Variants in VLDLR observed in about 807,000 individuals in gnomAD.
The protein encoded by VLDLR is very low-density lipoprotein receptor.
VLDLR carries 81 observed loss-of-function variants against 112.7 expected under a neutral mutation model. The ratio of observed to expected loss-of-function variants is 0.72; its 90% confidence interval spans 0.60 to 0.86. The LOEUF is 0.86. Among genes scored for constraint, VLDLR ranks in the 40% least tolerant of loss-of-function variants. The pLI is 0.00. For missense variants in VLDLR, 1,237 were observed against 1,099.4 expected, an observed-to-expected ratio of 1.13 and a Z score of -1.77; for synonymous variants, 436 against 384.8, an observed-to-expected ratio of 1.13 and a Z score of -1.56.
rs191283726 is a variant in VLDLR at position 2,650,804 on chromosome 9, C to T, written c.2251+288C>T. Among the ~76,000 whole-genome samples, 905 of 152,254 alleles carry T rather than the reference C, an allele frequency of 5.9e-3. 3 individuals are homozygous for T. The highest frequency in any genetic ancestry group is 7.5e-3 in the Non-Finnish European group (511 of 68,026). On this transcript the variant is annotated intron_variant, in intron 15 of 18. Coordinates refer to ENST00000382100, the MANE Select transcript of VLDLR (RefSeq NM_003383.5). Reference sequence around the variant, plus strand: ...CCAACTTGCAGGTAATTAAATGAGGCCTTAACATTTTTCCTCAAAAGGAGG... The same window carrying T: ...CCAACTTGCAGGTAATTAAATGAGGTCTTAACATTTTTCCTCAAAAGGAGG...
At chr9:2,649,332 C>G (rs938482755) in intron 14 of VLDLR, among the ~76,000 whole-genome samples, 1 of 152,170 alleles carries the variant, frequency 6.6e-6, no homozygotes. Context: ...GCTCTTCCCC[C>G]TTTGTCTCTT....
rs1318961321 is a variant in VLDLR at position 2,652,856 on chromosome 9, C to G, written c.2493C>G (p.Asn831Lys). The change falls in exon 18 of 19, where the codon AAC becomes AAG. Residue 831 changes from asparagine to lysine, a missense_variant. Asn to Lys is a moderately conservative substitution (Grantham distance 94, BLOSUM62 0). Coordinates refer to ENST00000382100, the MANE Select transcript of VLDLR (RefSeq NM_003383.5). ...NWQHKNMKSM[N>K]FDNPVYLKTT... ...AACACAAGAACATGAAAAGCATGAACTTTGACAATCCTGTGTACTTGAAAA... is the reference window on the plus strand; with the variant it reads ...AACACAAGAACATGAAAAGCATGAAGTTTGACAATCCTGTGTACTTGAAAA... 6.2e-7 allele frequency: 1 copy of G among 1,614,108 alleles called. No individual in the cohort carries two copies. The highest frequency in any genetic ancestry group is 8.5e-7 in the Non-Finnish European group (1 of 1,180,012).
Position 2,645,673 on chromosome 9 carries a change from C to A in VLDLR, c.1412C>A (p.Thr471Asn), listed in dbSNP as rs554072220. 2 of 1,614,214 alleles carry A rather than the reference C, an allele frequency of 1.2e-6. No homozygotes were observed. Among genetic ancestry groups the A allele is most frequent in the South Asian group, 2.2e-5 (2 of 91,086 alleles). ...YIQLVEQLRNTVALDADIAAQ... is the reference protein window; with the variant it reads ...YIQLVEQLRNNVALDADIAAQ... ...CAACTAGTTGAACAGCTAAGAAACA[C>A]TGTGGCTCTCGATGCTGACATTGCT... Residue 471 changes from threonine to asparagine, a missense_variant, in exon 10 of 19, where the codon ACT becomes AAT. Coordinates refer to ENST00000382100, the MANE Select transcript of VLDLR (RefSeq NM_003383.5).
chr9:2,622,283 C>T lies in VLDLR; in HGVS notation c.82+12C>T, dbSNP rs1490285304. 2.7e-6 allele frequency: 4 copies of T among 1,463,848 alleles called. No individual in the cohort carries two copies. The highest frequency in any genetic ancestry group is 3.6e-6 in the Non-Finnish European group (4 of 1,112,400). The allele number at this position is 1,463,848 out of a possible 1,614,324, so 90.7% of individuals were successfully genotyped here. On this transcript the variant is annotated intron_variant, in intron 1 of 18. Coordinates refer to ENST00000382100, the MANE Select transcript of VLDLR (RefSeq NM_003383.5). ...CGCCACCGGAACCGGTGAGTGAGGA[C>T]GCGCCCCTCCGCCGGCGGGCGGGAC...
chr9:2,636,096 A>C lies in VLDLR; in HGVS notation c.202+524A>C, dbSNP rs183365921. On this transcript the variant is annotated intron_variant, in intron 2 of 18. Transcript: ENST00000382100. ...CTAAAGCATTAGCAGGGCGGAAGAC[A>C]TTCTCTCCCCAAGAGAATGGGGATA... 5.4e-4 allele frequency among the ~76,000 whole-genome samples: 83 copies of C among 152,316 alleles called. 3 individuals are homozygous for C. The East Asian group carries it at 0.012, about 22-fold the overall frequency.
Position 2,651,865 on chromosome 9 carries a change from C to T in VLDLR, c.2336-9C>T, listed in dbSNP as rs1818365420. The T allele has an allele frequency of 1.2e-6, 2 of 1,613,950 alleles. No homozygotes were observed. The highest frequency in any genetic ancestry group is 4.5e-5 in the East Asian group (2 of 44,876). The stretch of plus-strand genomic sequence containing the variant: ...TCCTTCTAAACTGATTCCTTTTATT[C>T]CTCTGTAGGGATCAATGTGACCACA... On this transcript the variant is annotated splice_polypyrimidine_tract_variant and intron_variant, in intron 16 of 18. Transcript: ENST00000382100.
In VLDLR at chr9:2,657,920, C is replaced by T. The variant is rs955646814; in HGVS notation, c.*4052C>T. The T allele has an allele frequency of 3.3e-5, 5 of 152,100 alleles. No homozygotes were observed. Among genetic ancestry groups the T allele is most frequent in the African/African-American group, 1.2e-4 (5 of 41,430 alleles). The allele number at this position is 152,100 out of a possible 1,614,324, so 9.4% of individuals were successfully genotyped here. ...AAATATCCTAACAAGTATGATTTTTCTTGGGAAAACTAAAAATTGTACATC... is the reference window on the plus strand; with the variant it reads ...AAATATCCTAACAAGTATGATTTTTTTTGGGAAAACTAAAAATTGTACATC... On this transcript the variant is annotated 3_prime_UTR_variant, in exon 19 of 19. Transcript: ENST00000382100.
rs1272802708 is a variant in VLDLR, at chr9:2,639,884, C to T, written c.228C>T (p.Asp76=). 6.2e-7 allele frequency: 1 copy of T among 1,614,134 alleles called. No homozygotes were observed. The highest frequency in any genetic ancestry group is 8.5e-7 in the Non-Finnish European group (1 of 1,180,020). The change falls in exon 3 of 19, where the codon GAC becomes GAT. Residue 76 remains aspartate, a synonymous_variant. Transcript: ENST00000382100. ...NCVKKTCAES[D]FVCNNGQCVP... ...TAAAGAAGACGTGTGCTGAATCTGA[C>T]TTCGTGTGCAACAATGGCCAGTGTG...
chr9:2,643,609 G>C lies in VLDLR; in HGVS notation c.821-19G>C. 6.2e-7 allele frequency: 1 copy of C among 1,614,174 alleles called. No individual in the cohort carries two copies. The highest frequency in any genetic ancestry group is 8.5e-7 in the Non-Finnish European group (1 of 1,180,030). On this transcript the variant is annotated intron_variant, in intron 5 of 18. Coordinates refer to ENST00000382100, the MANE Select transcript of VLDLR (RefSeq NM_003383.5). ...GACAATTTGCTGGCTTCATTCCATG[G>C]TGTTTCCTCCCTTTGTAGCCTCTCG...
At chr9:2,648,479 G>A in intron 13 of VLDLR, 132 bp downstream of exon 13, 2 of 1,523,980 alleles carry the variant, frequency 1.3e-6, no homozygotes, top group Non-Finnish European at 1.8e-6. Flanking sequence ...TTAAAACCTG[G>A]TACAAATCAG....
intron 3 of VLDLR, 73 bp from the exon 4 acceptor site, chr9:2,641,304 C>G: frequency 6.2e-7 from 1 of 1,609,776 alleles, no homozygotes; most frequent in Non-Finnish European, 8.5e-7. Flanking sequence ...ATTAGCGCTT[C>G]CAGGCAGCAC....
chr9:2,645,246 C>T (rs1818016158), intron 9 of VLDLR, among the ~76,000 whole-genome samples, 164 bp downstream of exon 9: 2 of 152,160 alleles, frequency 1.3e-5, no homozygotes, highest in South Asian at 4.1e-4. Flanking sequence ...AGATCTCTCC[C>T]CTAGATATGT....
chr9:2,653,699 G>C, intron 18 of VLDLR, 134 bp from the exon 19 acceptor site: 2 of 881,700 alleles, frequency 2.3e-6, no homozygotes, highest in East Asian at 4.8e-5. Context: ...GTATTCTTTT[G>C]TATCTGACTG....
At chr9:2,639,681 T>C (rs1251284843) in intron 2 of VLDLR, among the ~76,000 whole-genome samples, 178 bp from the exon 3 acceptor site, 1 of 152,128 alleles carries the variant, frequency 6.6e-6, no homozygotes, top group Non-Finnish European at 1.5e-5. Flanking sequence ...AGCATCTTCC[T>C]CCTCTGAAAA....
chr9:2,655,560 T>A lies in VLDLR; in HGVS notation c.*1692T>A, dbSNP rs1420971070. ...ACTCATATTTCACTTGCATATGAAA[T>A]ATAAGGCAGTTAACATCTTGTTTGT... On this transcript the variant is annotated 3_prime_UTR_variant, in exon 19 of 19. Coordinates refer to ENST00000382100, the MANE Select transcript of VLDLR (RefSeq NM_003383.5). 2.0e-5 allele frequency: 3 copies of A among 152,148 alleles called. No homozygotes were observed. The highest frequency in any genetic ancestry group is 7.2e-5 in the African/African-American group (3 of 41,414). 9.4% of individuals were successfully genotyped at this position (152,148 alleles called of 1,614,324 possible).
Position 2,659,198 on chromosome 9 carries a change from G to A in VLDLR, c.*5330G>A, listed in dbSNP as rs888264523. On this transcript the variant is annotated 3_prime_UTR_variant, in exon 19 of 19. Transcript: ENST00000382100. ...TCCATTTTACATAGGTAAAAACTGA[G>A]GCTACAAACAATCTATGGTTCCAAA... is the stretch of plus-strand genomic sequence containing the variant. The A allele has an allele frequency of 4.6e-5, 7 of 152,140 alleles. No homozygotes were observed. The highest frequency in any genetic ancestry group is 7.3e-5 in the Non-Finnish European group (5 of 68,040). The allele number at this position is 152,140 out of a possible 1,614,324, so 9.4% of individuals were successfully genotyped here.
chr9:2,644,420 C>G (rs1269761016), intron 7 of VLDLR, among the ~76,000 whole-genome samples: 1 of 150,618 alleles, frequency 6.6e-6, no homozygotes, highest in Admixed American at 6.6e-5. Context: ...CCACCCGCCT[C>G]GGCCTTCCAA....
intron 2 of VLDLR, among the ~76,000 whole-genome samples, chr9:2,637,425 G>A (rs1204010505): frequency 2.6e-5 from 4 of 152,126 alleles, no homozygotes; most frequent in Non-Finnish European, 5.9e-5. Flanking sequence ...AGCAACCTAA[G>A]TACTCTAAAT....
At chr9:2,626,525 C>G (rs889084960) in intron 1 of VLDLR, among the ~76,000 whole-genome samples, 2 of 152,216 alleles carry the variant, frequency 1.3e-5, no homozygotes, top group Non-Finnish European at 1.5e-5. Context: ...TATTTTGAGT[C>G]TCTAAGCAAG....
Sources: allele counts gnomAD v4.1 joint callset (sites outside exome capture counted in the v4.1 genomes callset), GRCh38; gene constraint gnomAD v4.1.1; transcripts MANE v1.5; gene names NCBI Gene and HGNC (gene_info 2026-07-23, HGNC 2026-07-21).